KIF4A: variants seen among roughly 807,000 people sequenced by gnomAD.
KIF4A encodes the protein chromosome-associated kinesin KIF4A.
KIF4A carries 7 observed loss-of-function variants against 105.9 expected under a neutral mutation model. That is an observed-to-expected ratio of 0.07 (90% CI 0.04 to 0.12). The LOEUF (loss-of-function observed/expected upper bound fraction) is 0.12. KIF4A is among the 10% of genes least tolerant of loss of function. KIF4A has a pLI of 1.00. For synonymous variants in KIF4A, 281 were observed against 331.3 expected, an observed-to-expected ratio of 0.85 and a Z score of 1.65; for missense variants, 558 against 929.2, an observed-to-expected ratio of 0.60 and a Z score of 5.19.
intron 7 of KIF4A, among the ~76,000 whole-genome samples, chrX:70,325,614 G>T (rs1230293385): frequency 9.1e-6 from 1 of 110,419 alleles, no homozygotes; most frequent in South Asian, 3.9e-4. Flanking sequence ...TAGTTTCAGG[G>T]TATAGGTGGT....
chrX:70,319,389 G>GT (rs1357761742), intron 7 of KIF4A, among the ~76,000 whole-genome samples: 6 of 111,193 alleles, frequency 5.4e-5, no homozygotes, highest in South Asian at 3.8e-4. Flanking sequence ...ACCTAGAACT[G>GT]TTTTTTTTAT....
intron 28 of KIF4A, among the ~76,000 whole-genome samples, chrX:70,413,284 GAA>G (rs1416783665): frequency 8.9e-6 from 1 of 111,893 alleles, no homozygotes; most frequent in Non-Finnish European, 1.9e-5. Flanking sequence ...GAGTGAAAAA[GAA>G]AAGAAAATAT....
In KIF4A at chrX:70,352,652, A is replaced by G; in HGVS notation, c.1484A>G (p.Glu495Gly). 8.4e-7 allele frequency: 1 copy of G among 1,185,271 alleles called. No individual in the cohort carries two copies. The highest frequency in any genetic ancestry group is 1.1e-6 in the Non-Finnish European group (1 of 874,289). ...AAAIDTAVEQ[E>G]AQVETSPETS... ...GCCATTGATACTGCGGTGGAGCAAG[A>G]AGCCGTAAGTAATTGGCCCCTTTGT... Residue 495 changes from glutamate to glycine, a missense_variant, in exon 14 of 31, where the codon GAA becomes GGA. By Grantham distance (98) the Glu-to-Gly change is moderately conservative (BLOSUM62 -2). Transcript: ENST00000374403.
chrX:70,368,008 C>T lies in KIF4A; in HGVS notation c.1675-6143C>T, dbSNP rs747410705. Reference sequence around the variant, plus strand: ...CGCTTCATTTCATTCATTTGATCTTCCATCACTCATACCTTTTCTTCAAGT... The same window carrying T: ...CGCTTCATTTCATTCATTTGATCTTTCATCACTCATACCTTTTCTTCAAGT... On this transcript the variant is annotated intron_variant, in intron 15 of 30. Coordinates refer to ENST00000374403, the MANE Select transcript of KIF4A (RefSeq NM_012310.5). Among the ~76,000 whole-genome samples the T allele has an allele frequency of 8.0e-5, 9 of 111,813 alleles. No homozygotes were observed. In the Admixed American group the frequency reaches 8.6e-4, roughly 11 times the overall value.
At chrX:70,290,397 T>C in intron 1 of KIF4A, 41 bp from the exon 2 acceptor site, 1 of 1,178,964 alleles carries the variant, frequency 8.5e-7, no homozygotes, top group Non-Finnish European at 1.1e-6. Context: ...CCTGCTGACC[T>C]ACTAACATTC....
chrX:70,402,612 A>G lies in KIF4A; in HGVS notation c.2536A>G (p.Ser846Gly), dbSNP rs760173748. 2.2e-5 allele frequency: 27 copies of G among 1,210,649 alleles called. No individual in the cohort carries two copies. In the South Asian group the frequency reaches 4.8e-4, roughly 21 times the overall value. Residue 846 changes from serine to glycine, a missense_variant, in exon 23 of 31, where the codon AGT becomes GGT. Ser to Gly is a moderately conservative substitution (Grantham distance 56). Coordinates refer to ENST00000374403, the MANE Select transcript of KIF4A (RefSeq NM_012310.5). ...ACAGCAGAAGCTGCTGGATGCAGAAAGTGAAGACAGACCAAAACAACGCTG... is the reference window on the plus strand; with the variant it reads ...ACAGCAGAAGCTGCTGGATGCAGAAGGTGAAGACAGACCAAAACAACGCTG... The part of the protein sequence containing the change: ...DLQQKLLDAE[S>G]EDRPKQRWEN...
rs193126223 is a variant in KIF4A, at chrX:70,354,122, A to G, written c.1674+315A>G. Among the ~76,000 whole-genome samples the G allele has an allele frequency of 1.0e-3, 114 of 112,791 alleles. 1 individual carries two copies. The highest frequency in any genetic ancestry group is 3.4e-3 in the African/African-American group (107 of 31,138). ...ATGCTTGGATTCTGAGAAAAAACACATCTTTTGGTAAATAGTCTGGGTTAT... is the reference window on the plus strand; with the variant it reads ...ATGCTTGGATTCTGAGAAAAAACACGTCTTTTGGTAAATAGTCTGGGTTAT... On this transcript the variant is annotated intron_variant, in intron 15 of 30. Coordinates refer to ENST00000374403, the MANE Select transcript of KIF4A (RefSeq NM_012310.5).
intron 30 of KIF4A, 29 bp from the exon 31 acceptor site, chrX:70,420,033 C>A: frequency 3.4e-6 from 4 of 1,189,811 alleles, no homozygotes; most frequent in Non-Finnish European, 4.5e-6. Flanking sequence ...TTTCTAAAGT[C>A]TATTCATACC....
chrX:70,299,231 A>T lies in KIF4A; in HGVS notation c.516+29A>T, dbSNP rs778740753. 29 of 1,148,797 alleles carry T rather than the reference A, an allele frequency of 2.5e-5. No individual in the cohort carries two copies. The South Asian group carries it at 3.2e-4, about 13-fold the overall frequency. 94.7% of individuals were successfully genotyped at this position (1,148,797 alleles called of 1,213,427 possible). On this transcript the variant is annotated intron_variant, in intron 5 of 30. Coordinates refer to ENST00000374403, the MANE Select transcript of KIF4A (RefSeq NM_012310.5). ...TGTTTGTCTCTCATTTGATGTTATT[A>T]AAAAAATTTGGCAATTATAATACTA...
intron 15 of KIF4A, among the ~76,000 whole-genome samples, chrX:70,368,885 G>A (rs914088770): frequency 3.5e-4 from 39 of 111,907 alleles, no homozygotes; most frequent in Admixed American, 3.1e-3. Flanking sequence ...CTTGAGCTGC[G>A]GTGGGCTCCA....
chrX:70,371,870 G>C (rs1191934286), intron 15 of KIF4A, among the ~76,000 whole-genome samples: 1 of 100,832 alleles, frequency 9.9e-6, no homozygotes, highest in East Asian at 3.4e-4. Context: ...GGGTGGAGGG[G>C]CTCCTCACTT....
At chrX:70,332,195 G>A (rs1343842823) in intron 9 of KIF4A, among the ~76,000 whole-genome samples, 1 of 112,154 alleles carries the variant, frequency 8.9e-6, no homozygotes, top group Non-Finnish European at 1.9e-5. Flanking sequence ...GAGACATTCA[G>A]AAGAGAATAT....
At chrX:70,328,098 T>C (rs990529054) in intron 7 of KIF4A, among the ~76,000 whole-genome samples, 1 of 112,080 alleles carries the variant, frequency 8.9e-6, no homozygotes, top group Non-Finnish European at 1.9e-5. Context: ...TATAATTGTT[T>C]CATGTTCAAA....
chrX:70,336,015 T>A (rs2085949152), intron 10 of KIF4A, among the ~76,000 whole-genome samples: 1 of 112,173 alleles, frequency 8.9e-6, no homozygotes. Flanking sequence ...GGTTTAGCCT[T>A]CTTGTATTTC....
In KIF4A at chrX:70,401,154, G is replaced by A. The variant is rs745948834; in HGVS notation, c.2490-1412G>A. Among the ~76,000 whole-genome samples, 11 of 92,587 alleles carry A rather than the reference G, an allele frequency of 1.2e-4. No homozygotes were observed. In the South Asian group the frequency reaches 2.8e-3, roughly 24 times the overall value. 80.4% of individuals were successfully genotyped at this position (92,587 alleles called of 115,157 possible). On this transcript the variant is annotated intron_variant, in intron 22 of 30. Coordinates refer to ENST00000374403, the MANE Select transcript of KIF4A (RefSeq NM_012310.5). ...GAGTGCAGTGGCACAATCTCAGCTC[G>A]CTGCAACCTCCGACTTGCTGGTTCA...
At chrX:70,333,236 G>A (rs1285986010) in intron 9 of KIF4A, among the ~76,000 whole-genome samples, 1 of 107,885 alleles carries the variant, frequency 9.3e-6, no homozygotes, top group African/African-American at 3.4e-5. Context: ...CTACTTGGGA[G>A]GCTGAGGCAG....
chrX:70,340,878 A>G (rs998571443), intron 10 of KIF4A, among the ~76,000 whole-genome samples: 1 of 110,705 alleles, frequency 9.0e-6, no homozygotes, highest in African/African-American at 3.3e-5. Flanking sequence ...TTCAGATCAA[A>G]TCTTCATATT....
At chrX:70,302,103 T>C in intron 6 of KIF4A, 37 bp downstream of exon 6, 4 of 1,184,732 alleles carry the variant, frequency 3.4e-6, no homozygotes, top group Middle Eastern at 2.3e-4. Context: ...TTTTTAGTAT[T>C]AGTTCTATTA....
In KIF4A at chrX:70,353,606, C is replaced by T; in HGVS notation, c.1489-16C>T. 1 of 1,194,174 alleles carries T rather than the reference C, an allele frequency of 8.4e-7. No homozygotes were observed. Among genetic ancestry groups the T allele is most frequent in the South Asian group, 1.8e-5 (1 of 54,284 alleles). The stretch of plus-strand genomic sequence containing the variant: ...GCTTGTTTCTCTTATAAATCATTAT[C>T]CTGATTTTTTTCCAGCAAGTAGAAA... On this transcript the variant is annotated splice_polypyrimidine_tract_variant and intron_variant, in intron 14 of 30. Transcript: ENST00000374403.
Sources: allele counts gnomAD v4.1 joint callset (sites outside exome capture counted in the v4.1 genomes callset), GRCh38; gene constraint gnomAD v4.1.1; transcripts MANE v1.5; gene names NCBI Gene and HGNC (gene_info 2026-07-23, HGNC 2026-07-21).